Variants in TOP2A observed in about 807,000 individuals in gnomAD.
The protein encoded by TOP2A is DNA topoisomerase 2-alpha.
Under a neutral mutation model 187.2 loss-of-function variants are expected in TOP2A, and 68 were observed. The observed-to-expected ratio is 0.36, with a 90% confidence interval of 0.30 to 0.44. The LOEUF is 0.44. Among genes scored for constraint, TOP2A ranks in the 20% least tolerant of loss-of-function variants. The pLI is 1.00. For synonymous variants in TOP2A, 542 were observed against 593.2 expected, an observed-to-expected ratio of 0.91 and a Z score of 1.25; for missense variants, 1,196 against 1,808.7, an observed-to-expected ratio of 0.66 and a Z score of 6.14.
Position 40,389,329 on chromosome 17 carries a change from G to A in TOP2A, c.*190C>T. On this transcript the variant is annotated 3_prime_UTR_variant, in exon 35 of 35. Coordinates refer to ENST00000423485, the MANE Select transcript of TOP2A (RefSeq NM_001067.4). ...AAGCAGAGAAGAAAACAATGCCCAT[G>A]AGATGGTCACTATTTAGACAGTATT... The A allele has an allele frequency of 1.9e-6, 1 of 518,868 alleles. No homozygotes were observed. The highest frequency in any genetic ancestry group is 3.2e-6 in the Non-Finnish European group (1 of 308,778). The allele number at this position is 518,868 out of a possible 1,614,324, so 32.1% of individuals were successfully genotyped here.
intron 6 of TOP2A, 107 bp from the exon 7 acceptor site, chr17:40,413,078 A>T: frequency 7.8e-7 from 1 of 1,288,136 alleles, no homozygotes; most frequent in South Asian, 1.3e-5. Flanking sequence ...TATGCTTATA[A>T]TTTTCCATAC....
At position 40,400,180 on chromosome 17, in the gene TOP2A, C is replaced by T. The variant is rs760215182; in HGVS notation, c.3000+29G>A. The T allele has an allele frequency of 6.9e-6, 11 of 1,604,664 alleles. No individual in the cohort carries two copies. The African/African-American group carries it at 8.0e-5, about 12-fold the overall frequency. ...TATTAATCTTTAATATAAATTGAAACGTGTACATCTCACAAAACAAATACA... is the reference window on the plus strand; with the variant it reads ...TATTAATCTTTAATATAAATTGAAATGTGTACATCTCACAAAACAAATACA... On this transcript the variant is annotated intron_variant, in intron 23 of 34. Transcript: ENST00000423485.
chr17:40,398,104 C>G, intron 27 of TOP2A, among the ~76,000 whole-genome samples: 1 of 145,900 alleles, frequency 6.9e-6, no homozygotes, highest in Non-Finnish European at 1.5e-5. Flanking sequence ...ATTTAATAAT[C>G]TGTCCCTTTT....
At chr17:40,407,195 C>T (rs1039052643) in intron 13 of TOP2A, among the ~76,000 whole-genome samples, 3 of 152,146 alleles carry the variant, frequency 2.0e-5, no homozygotes, top group African/African-American at 7.2e-5. Flanking sequence ...ACCCATGAGG[C>T]GGAGGTTGCA....
chr17:40,413,085 A>G, intron 6 of TOP2A, 110 bp downstream of exon 6: 2 of 1,277,018 alleles, frequency 1.6e-6, no homozygotes, highest in Admixed American at 2.2e-5. Context: ...ATAATTTTCC[A>G]TACTTCAATA....
At position 40,405,518 on chromosome 17, in the gene TOP2A, C is replaced by A. The variant is rs528887322; in HGVS notation, c.1954-635G>T. Reference sequence around the variant, plus strand: ...CGCCCAGGCTGGAGTGCAGTGGCACCATCTCAGCTCACTGCAAGCTCCGCC... The same window carrying A: ...CGCCCAGGCTGGAGTGCAGTGGCACAATCTCAGCTCACTGCAAGCTCCGCC... On this transcript the variant is annotated intron_variant, in intron 16 of 34. Coordinates refer to ENST00000423485, the MANE Select transcript of TOP2A (RefSeq NM_001067.4). 2.7e-5 allele frequency among the ~76,000 whole-genome samples: 4 copies of A among 149,106 alleles called. No homozygotes were observed. The East Asian group carries it at 8.0e-4, about 30-fold the overall frequency.
In TOP2A at chr17:40,404,795, G is replaced by A. The variant is rs1378326486; in HGVS notation, c.2042C>T (p.Pro681Leu). The change falls in exon 17 of 35, where the codon CCT becomes CTT. Residue 681 changes from proline (P) to leucine (L), a missense_variant. Pro to Leu is a moderately conservative substitution (Grantham distance 98). Around this residue, in one of 10 missense-constraint regions of TOP2A, gnomAD observed 209 missense variants for 376.9 expected, o/e 0.55. Coordinates refer to ENST00000423485, the MANE Select transcript of TOP2A (RefSeq NM_001067.4). ...GCATATATTTAAAACTTTTACCTCA[G>A]GAAGCCCAAGTAACTTTCGTTGTCT... ...DRRQRKLLGL[P>L]EDYLYGQTTT... 1.3e-6 allele frequency: 2 copies of A among 1,598,076 alleles called. No homozygotes were observed. The highest frequency in any genetic ancestry group is 1.7e-6 in the Non-Finnish European group (2 of 1,169,808).
chr17:40,395,644 C>A, intron 28 of TOP2A, 105 bp from the exon 29 acceptor site: 2 of 706,478 alleles, frequency 2.8e-6, no homozygotes, highest in Admixed American at 3.0e-5. Context: ...GCCTGTAATC[C>A]CAGCACTTTG....
intron 20 of TOP2A, 140 bp downstream of exon 20, chr17:40,402,766 G>A (rs1372391592): frequency 2.4e-6 from 2 of 818,114 alleles, no homozygotes; most frequent in Admixed American, 2.9e-5. Flanking sequence ...GGGCTTTCCT[G>A]TATAAGCCTC....
At chr17:40,414,997 T>C (rs1368570974) in intron 4 of TOP2A, among the ~76,000 whole-genome samples, 1 of 152,028 alleles carries the variant, frequency 6.6e-6, no homozygotes, top group Non-Finnish European at 1.5e-5. Context: ...ATATACATTA[T>C]GGTTCTTGTT....
intron 4 of TOP2A, among the ~76,000 whole-genome samples, chr17:40,413,912 T>C (rs986159057): frequency 6.6e-6 from 1 of 152,068 alleles, no homozygotes; most frequent in Non-Finnish European, 1.5e-5. Flanking sequence ...GCAGGAGAAC[T>C]GCTCAAAGTG....
rs761792003 is a variant in TOP2A at position 40,398,645 on chromosome 17, CATAAG to C, written c.3454-9_3454-5del. On this transcript the variant is annotated splice_polypyrimidine_tract_variant and splice_region_variant and intron_variant, in intron 26 of 34. Transcript: ENST00000423485. ...TTAATGTGTCCAGCTCTTGTTCCTT[CATAAG>C]ATAATTACAAAATTGAGTTAATATA... The C allele has an allele frequency of 1.4e-5, 22 of 1,598,440 alleles. No individual in the cohort carries two copies. In the African/African-American group the frequency reaches 2.2e-4, roughly 16 times the overall value.
chr17:40,401,077 A>G lies in TOP2A; in HGVS notation c.2437T>C (p.Leu813=). ...TTTGGTGGAAATAACAATCGAGCCA[A>G]AGAGCTAAAGAAAAGAAACAAAGAA... is the stretch of plus-strand genomic sequence containing the variant. ...PRYIFTMLSS[L]ARLLFPPKDD... is the part of the protein sequence containing the mutation. The change falls in exon 21 of 35, where the codon TTG becomes CTG. Residue 813 remains leucine (L), a synonymous_variant. Transcript: ENST00000423485. 2.5e-6 allele frequency: 4 copies of G among 1,608,140 alleles called. No homozygotes were observed. The South Asian group carries it at 4.5e-5, about 18-fold the overall frequency.
intron 28 of TOP2A, 134 bp from the exon 29 acceptor site, chr17:40,395,673 A>G (rs2035087242): frequency 1.9e-6 from 1 of 527,316 alleles, no homozygotes; most frequent in South Asian, 2.1e-5. Flanking sequence ...TGGTGGGCAG[A>G]TCTCTTGAGG....
intron 24 of TOP2A, among the ~76,000 whole-genome samples, chr17:40,399,662 C>A (rs2035151925): frequency 6.6e-6 from 1 of 152,134 alleles, no homozygotes; most frequent in Admixed American, 6.5e-5. Context: ...TCAACTAAAT[C>A]TTGATTTCTC....
chr17:40,391,442 AAT>A lies in TOP2A; in HGVS notation c.4267+62_4267+63del. On this transcript the variant is annotated intron_variant, in intron 33 of 34. Transcript: ENST00000423485. Reference sequence around the variant, plus strand: ...TAAGTTTTGGCAATAAAAAAATTGAAATAGACACGTGGAAACCAGTTAGGTAA... The same window carrying A: ...TAAGTTTTGGCAATAAAAAAATTGAAAGACACGTGGAAACCAGTTAGGTAA... The A allele has an allele frequency of 2.7e-6, 4 of 1,479,812 alleles. No homozygotes were observed. The South Asian group carries it at 5.6e-5, about 21-fold the overall frequency. 91.7% of individuals were successfully genotyped at this position (1,479,812 alleles called of 1,614,324 possible). A position where few individuals can be genotyped will look rare whatever the true frequency, so the allele number is the denominator to read the frequency against.
rs1000179563 is a variant in TOP2A at position 40,388,769 on chromosome 17, C to T, written c.*750G>A. On this transcript the variant is annotated 3_prime_UTR_variant, in exon 35 of 35. Coordinates refer to ENST00000423485, the MANE Select transcript of TOP2A (RefSeq NM_001067.4). ...AAGATCTTGGATCAAATGTTGTCCC[C>T]GAGTCTTCTGCAATCCAGTCCTCTT... The T allele has an allele frequency of 2.1e-5, 4 of 193,366 alleles. No homozygotes were observed. Among genetic ancestry groups the T allele is most frequent in the Non-Finnish European group, 3.2e-5 (3 of 92,768 alleles). 12.0% of individuals were successfully genotyped at this position (193,366 alleles called of 1,614,324 possible).
At chr17:40,389,694 C>T (rs746836240) in intron 34 of TOP2A, 47 bp from the exon 35 acceptor site, 1 of 1,579,752 alleles carries the variant, frequency 6.3e-7, no homozygotes, top group South Asian at 1.2e-5. Context: ...AATCTGACAA[C>T]ATAATTGTAA....
intron 10 of TOP2A, 113 bp downstream of exon 10, chr17:40,410,996 G>T: frequency 3.6e-6 from 4 of 1,098,574 alleles, no homozygotes; most frequent in Non-Finnish European, 5.0e-6. Context: ...TTTTCAGATT[G>T]GGAAGACTTG....
Sources: allele counts gnomAD v4.1 joint callset (sites outside exome capture counted in the v4.1 genomes callset), GRCh38; gene constraint gnomAD v4.1.1; regional missense constraint gnomAD v4.1.1; transcripts MANE v1.5; gene names NCBI Gene and HGNC (gene_info 2026-07-23, HGNC 2026-07-21).